TENT2: variants seen among roughly 807,000 people sequenced by gnomAD.
TENT2 encodes terminal nucleotidyltransferase 2.
A neutral mutation model predicts 72.2 loss-of-function variants in TENT2; 44 were observed. The observed-to-expected ratio is 0.61, with a 90% CI of 0.48 to 0.78. The LOEUF (loss-of-function observed/expected upper bound fraction) is 0.78. Among genes scored for constraint, TENT2 ranks in the 30% least tolerant of loss-of-function variants. The pLI is 0.00. For synonymous variants in TENT2, 212 were observed against 192.5 expected (o/e 1.10, Z -0.84); for missense variants, 541 against 569.6 (o/e 0.95, Z 0.51).
rs1377639054 is a variant in TENT2, at chr5:79,612,970, C to T, written c.-143C>T. On this transcript the variant is annotated 5_prime_UTR_variant, in exon 1 of 15. Coordinates refer to ENST00000453514, the MANE Select transcript of TENT2 (RefSeq NM_001114394.3). ...CTTAGGACCGCTTACTTTGCTTACT[C>T]GTTTTCTATTCCTCGCGTACTGCCT... is the stretch of plus-strand genomic sequence containing the variant. The T allele has an allele frequency of 5.9e-5, 9 of 152,216 alleles. No individual in the cohort carries two copies. The East Asian group carries it at 1.7e-3, about 29-fold the overall frequency. The allele number at this position is 152,216 out of a possible 1,614,324, so 9.4% of individuals were successfully genotyped here. A position where few individuals can be genotyped will look rare whatever the true frequency, so the allele number is the denominator to read the frequency against.
intron 3 of TENT2, among the ~76,000 whole-genome samples, chr5:79,621,013 T>A (rs957195803): frequency 1.3e-5 from 2 of 152,106 alleles, no homozygotes; most frequent in African/African-American, 4.8e-5. Flanking sequence ...CGGCAATATT[T>A]GAAAGATACC....
chr5:79,662,762 T>G (rs1333284672), intron 11 of TENT2, among the ~76,000 whole-genome samples: 2 of 152,116 alleles, frequency 1.3e-5, no homozygotes, highest in Non-Finnish European at 2.9e-5. Flanking sequence ...GGCCCTGGGA[T>G]TTTGGAATGG....
At chr5:79,644,906 A>T in intron 7 of TENT2, 1 of 434,104 alleles carries the variant, frequency 2.3e-6, no homozygotes. Context: ...ATTAGATCAC[A>T]TTCCTGAAAA....
intron 4 of TENT2, among the ~76,000 whole-genome samples, chr5:79,633,449 T>C (rs1777256148): frequency 6.8e-6 from 1 of 148,144 alleles, no homozygotes; most frequent in Non-Finnish European, 1.5e-5. Flanking sequence ...TTTTTTTTTT[T>C]TTTTTTTTGA....
intron 4 of TENT2, among the ~76,000 whole-genome samples, chr5:79,631,927 C>T (rs12520051): frequency 0.11 from 17,309 of 152,102 alleles, 1,117 homozygotes; most frequent in East Asian, 0.29. Flanking sequence ...TTTGTAGATA[C>T]GGTAGGGAGA....
chr5:79,615,840 G>A (rs1271469522), intron 1 of TENT2, among the ~76,000 whole-genome samples: 1 of 151,918 alleles, frequency 6.6e-6, no homozygotes, highest in East Asian at 1.9e-4. Context: ...AGCCTCCAGA[G>A]TAGCTGGGAC....
Position 79,668,936 on chromosome 5 carries a change from T to A in TENT2, c.1116T>A (p.Ala372=), listed in dbSNP as rs1412224504. The A allele has an allele frequency of 6.2e-7, 1 of 1,613,822 alleles. No homozygotes were observed. The highest frequency in any genetic ancestry group is 1.7e-5 in the Admixed American group (1 of 60,014). The part of the protein sequence containing the change: ...PAIQLHLVHQ[A]PCNVPPYLSK... The stretch of plus-strand genomic sequence containing the variant: ...TACAGCTGCACCTTGTACATCAAGC[T>A]CCATGTAATGTTCCTCCTTACCTCT... Residue 372 remains alanine (A), a synonymous_variant, in exon 12 of 15, where the codon GCT becomes GCA. Transcript: ENST00000453514.
intron 11 of TENT2, among the ~76,000 whole-genome samples, chr5:79,659,556 G>GTGTATATATA (rs1168849605): frequency 8.8e-5 from 3 of 34,276 alleles, no homozygotes; most frequent in South Asian, 1.7e-3. Flanking sequence ...AAAAAAAAAT[G>GTGTATATATA]TATATATATA....
intron 4 of TENT2, among the ~76,000 whole-genome samples, chr5:79,640,637 T>G (rs76773883): frequency 0.014 from 2,102 of 152,326 alleles, 19 homozygotes; most frequent in Non-Finnish European, 0.022. Flanking sequence ...TTTCTGTGAC[T>G]TGTATATTTT....
At chr5:79,641,273 G>A in intron 6 of TENT2, 77 bp downstream of exon 6, 4 of 1,258,250 alleles carry the variant, frequency 3.2e-6, no homozygotes, top group Non-Finnish European at 4.4e-6. Context: ...AGTCATTGAG[G>A]GAAAAAACTT....
chr5:79,659,979 A>G (rs1025077848), intron 11 of TENT2, among the ~76,000 whole-genome samples: 1 of 152,256 alleles, frequency 6.6e-6, no homozygotes, highest in East Asian at 1.9e-4. Flanking sequence ...TTACTTTACA[A>G]AGGAAACCGC....
chr5:79,648,884 A>G (rs1311302106), intron 9 of TENT2, 178 bp from the exon 10 acceptor site: 6 of 855,752 alleles, frequency 7.0e-6, no homozygotes, highest in East Asian at 5.3e-5. Flanking sequence ...TTAATAATTG[A>G]TAATTTTTAA....
chr5:79,621,664 A>G (rs1764918249), intron 3 of TENT2, among the ~76,000 whole-genome samples: 1 of 151,276 alleles, frequency 6.6e-6, no homozygotes, highest in African/African-American at 2.4e-5. Context: ...AGGCTGAGGC[A>G]GGAGAATGGC....
chr5:79,677,598 ATC>A (rs1434996826), intron 12 of TENT2, among the ~76,000 whole-genome samples: 1 of 152,204 alleles, frequency 6.6e-6, no homozygotes, highest in Non-Finnish European at 1.5e-5. Flanking sequence ...TTGTCCTATA[ATC>A]TGTTATTAGA....
chr5:79,632,081 T>G (rs1776030245), intron 4 of TENT2, among the ~76,000 whole-genome samples: 1 of 152,164 alleles, frequency 6.6e-6, no homozygotes, highest in South Asian at 2.1e-4. Flanking sequence ...TACCATTTAC[T>G]GAATGTAGGG....
At chr5:79,656,310 A>G (rs1287334933) in intron 10 of TENT2, among the ~76,000 whole-genome samples, 1 of 152,006 alleles carries the variant, frequency 6.6e-6, no homozygotes, top group South Asian at 2.1e-4. Context: ...ACATGAGGAT[A>G]TAATTTCTTT....
chr5:79,647,556 A>G (rs1790120860), intron 8 of TENT2, among the ~76,000 whole-genome samples: 1 of 152,194 alleles, frequency 6.6e-6, no homozygotes, highest in Non-Finnish European at 1.5e-5. Context: ...ATCCATTTTT[A>G]TTAATATGCA....
chr5:79,659,603 C>T (rs1479133197), intron 11 of TENT2, among the ~76,000 whole-genome samples: 4 of 95,052 alleles, frequency 4.2e-5, no homozygotes, highest in Non-Finnish European at 8.3e-5. Context: ...TAATAGCCAT[C>T]GTTTATTTAG....
rs138728994 is a variant in TENT2 at position 79,672,084 on chromosome 5, T to C, written c.1208+3056T>C. On this transcript the variant is annotated intron_variant, in intron 12 of 14. Coordinates refer to ENST00000453514, the MANE Select transcript of TENT2 (RefSeq NM_001114394.3). Reference sequence around the variant, plus strand: ...CTCCACTGCACTCCAGCCTGGACAATAGAGTGAGACCCTGTCTCAAAAAAA... The same window carrying C: ...CTCCACTGCACTCCAGCCTGGACAACAGAGTGAGACCCTGTCTCAAAAAAA... Among the ~76,000 whole-genome samples the C allele has an allele frequency of 8.3e-3, 1,243 of 149,020 alleles. 22 individuals carry two copies. Among genetic ancestry groups the C allele is most frequent in the African/African-American group, 0.03 (1,197 of 39,460 alleles).
Sources: gnomAD v4.1 joint callset for allele counts (sites outside exome capture counted in the v4.1 genomes callset) on GRCh38, gnomAD v4.1.1 for gene constraint, MANE v1.5 for transcripts, NCBI Gene and HGNC (gene_info 2026-07-23, HGNC 2026-07-21) for gene names.